CPXM2: variants seen among roughly 807,000 people sequenced by gnomAD.
CPXM2 encodes the protein inactive carboxypeptidase-like protein X2.
A neutral mutation model predicts 86.1 loss-of-function variants in CPXM2; 66 were observed. The observed-to-expected ratio is 0.77, with a 90% confidence interval of 0.63 to 0.94. The LOEUF (loss-of-function observed/expected upper bound fraction) is 0.94, where lower values mean the gene tolerates loss of function less well. Among genes scored for constraint, CPXM2 ranks in the 40% least tolerant of loss-of-function variants. The probability of loss-of-function intolerance (pLI) is 0.00; values close to 1 mark genes in which losing one functional copy is unlikely to be tolerated. For missense variants in CPXM2, 948 were observed against 1,026.3 expected (o/e 0.92, Z 1.04); for synonymous variants, 388 against 400.2 (o/e 0.97, Z 0.36).
In CPXM2 at chr10:123,754,387, G is replaced by A. The variant is rs1331359482; in HGVS notation, c.2017+276C>T. Among the ~76,000 whole-genome samples the A allele has an allele frequency of 1.3e-5, 2 of 152,230 alleles. No homozygotes were observed. The highest frequency in any genetic ancestry group is 3.9e-4 in the East Asian group (2 of 5,194). On this transcript the variant is annotated intron_variant, in intron 13 of 13. Coordinates refer to ENST00000241305, the MANE Select transcript of CPXM2 (RefSeq NM_198148.3). This position sits in a 1 kb window ranked among gnomAD's most constrained non-coding sequence, Gnocchi z 4.0. The stretch of plus-strand genomic sequence containing the variant: ...GCAACAACTCCATGGAGACAGAGCT[G>A]CTTCCTCAACTCCTTAGAAACTTCC...
At chr10:123,902,836 G>A (rs182551271) in intron 2 of CPXM2, among the ~76,000 whole-genome samples, 10 of 152,264 alleles carry the variant, frequency 6.6e-5, no homozygotes, top group African/African-American at 1.9e-4. Flanking sequence ...AAAGGCTCGC[G>A]GCTGTTGTCA....
chr10:123,855,482 G>C (rs1285662938), intron 3 of CPXM2, among the ~76,000 whole-genome samples: 1 of 152,166 alleles, frequency 6.6e-6, no homozygotes, highest in Non-Finnish European at 1.5e-5. Context: ...GTGAGACCTG[G>C]GAAAATGGTA....
At chr10:123,873,922 C>T (rs543748282) in intron 2 of CPXM2, among the ~76,000 whole-genome samples, 33 of 147,208 alleles carry the variant, frequency 2.2e-4, no homozygotes, top group African/African-American at 7.6e-4. Context: ...TACAGTGGCA[C>T]GATCTTGGCT....
intron 2 of CPXM2, among the ~76,000 whole-genome samples, chr10:123,878,531 G>A (rs952529701): frequency 2.7e-5 from 4 of 149,914 alleles, no homozygotes; most frequent in African/African-American, 1.0e-4. Flanking sequence ...GTGTGTGTGT[G>A]TGTGTGTGTG....
chr10:123,908,227 G>A (rs1355795794), intron 2 of CPXM2, among the ~76,000 whole-genome samples: 1 of 151,790 alleles, frequency 6.6e-6, no homozygotes, highest in African/African-American at 2.4e-5. Flanking sequence ...GGCCGCAGGT[G>A]GGAAGGAGAG....
At chr10:123,882,994 A>G (rs1294388229) in intron 1 of CPXM2, among the ~76,000 whole-genome samples, 5 of 149,402 alleles carry the variant, frequency 3.3e-5, no homozygotes, top group African/African-American at 7.5e-5. Context: ...CCCACACGAC[A>G]GCCTGGACTG....
intron 4 of CPXM2, among the ~76,000 whole-genome samples, chr10:123,839,449 C>A (rs1848341444): frequency 6.6e-6 from 1 of 152,108 alleles, no homozygotes; most frequent in Non-Finnish European, 1.5e-5. Flanking sequence ...CATATTGATA[C>A]CCGTTCATTA....
At chr10:123,910,530 A>G (rs28458379) in intron 2 of CPXM2, among the ~76,000 whole-genome samples, 102,362 of 151,628 alleles carry the variant, frequency 0.68, 36,494 homozygotes, top group African/African-American at 0.91. Flanking sequence ...TCCCGTCAGC[A>G]AGGGCTACCT....
At chr10:123,749,530 C>T (rs1044873009) in intron 13 of CPXM2, among the ~76,000 whole-genome samples, 1 of 152,172 alleles carries the variant, frequency 6.6e-6, no homozygotes, top group African/African-American at 2.4e-5. Flanking sequence ...CTGCTGTTAT[C>T]GCAGGGCCAC....
At chr10:123,825,724 T>C (rs1278633906) in intron 4 of CPXM2, among the ~76,000 whole-genome samples, 2 of 152,212 alleles carry the variant, frequency 1.3e-5, no homozygotes, top group Non-Finnish European at 2.9e-5. Context: ...AATTTGAATA[T>C]AGAGTATAAC....
chr10:123,908,365 G>A (rs1178079840), intron 2 of CPXM2, among the ~76,000 whole-genome samples: 1 of 152,156 alleles, frequency 6.6e-6, no homozygotes, highest in Non-Finnish European at 1.5e-5. Flanking sequence ...TCTCTGCTAA[G>A]GCCAAATGCA....
At chr10:123,748,694 A>G (rs1846015020) in intron 13 of CPXM2, among the ~76,000 whole-genome samples, 2 of 152,108 alleles carry the variant, frequency 1.3e-5, no homozygotes, top group African/African-American at 4.8e-5. Flanking sequence ...AAGTTCTTCA[A>G]CTAAATAAAA....
chr10:123,846,502 C>T (rs1029870768), intron 3 of CPXM2, among the ~76,000 whole-genome samples: 3 of 152,082 alleles, frequency 2.0e-5, no homozygotes, highest in South Asian at 2.1e-4. Flanking sequence ...TGCTCTCTGG[C>T]CTGCCACTCA....
intron 4 of CPXM2, among the ~76,000 whole-genome samples, chr10:123,802,600 C>T (rs568285124): frequency 7.2e-5 from 11 of 152,298 alleles, no homozygotes; most frequent in South Asian, 2.1e-4. Context: ...AGGAAGAGTG[C>T]TTCTGTGAAC....
intron 11 of CPXM2, 39 bp from the exon 12 acceptor site, chr10:123,757,391 C>T: frequency 6.3e-7 from 1 of 1,583,038 alleles, no homozygotes; most frequent in Non-Finnish European, 8.7e-7. Context: ...CTGAACAATA[C>T]TCAAAATGGC....
At chr10:123,774,789 A>G (rs1262162845) in intron 7 of CPXM2, among the ~76,000 whole-genome samples, 1 of 152,216 alleles carries the variant, frequency 6.6e-6, no homozygotes, top group African/African-American at 2.4e-5. Flanking sequence ...CCCATCATAA[A>G]CGGAGAAGCA....
intron 1 of CPXM2, among the ~76,000 whole-genome samples, chr10:123,880,538 CGTT>C (rs1264052077): frequency 1.3e-5 from 2 of 152,224 alleles, no homozygotes; most frequent in East Asian, 3.9e-4. Context: ...TACACCTGCA[CGTT>C]GTTACTATTA....
chr10:123,851,713 G>C (rs994286044), intron 3 of CPXM2, among the ~76,000 whole-genome samples: 1 of 150,148 alleles, frequency 6.7e-6, no homozygotes, highest in African/African-American at 2.5e-5. Context: ...AGGTTGCAGT[G>C]AGCCAAGATC....
intron 2 of CPXM2, among the ~76,000 whole-genome samples, chr10:123,912,604 G>A (rs1385745159): frequency 6.6e-6 from 1 of 152,226 alleles, no homozygotes. Context: ...CCCAAAGCCT[G>A]CTAATTTAGG....
Sources: allele counts gnomAD v4.1 joint callset (sites outside exome capture counted in the v4.1 genomes callset), GRCh38; gene constraint gnomAD v4.1.1; non-coding constraint Gnocchi (gnomAD v3.1); transcripts MANE v1.5; gene names NCBI Gene and HGNC (gene_info 2026-07-23, HGNC 2026-07-21).